Variants in ADGRB3 observed in about 807,000 individuals in gnomAD.
The protein encoded by ADGRB3 is adhesion G protein-coupled receptor B3.
ADGRB3 carries 37 observed loss-of-function variants against 193.4 expected under a neutral mutation model. That is an observed-to-expected ratio of 0.19 (90% CI 0.15 to 0.25). ADGRB3 has a LOEUF of 0.25. Ranked by LOEUF, ADGRB3 falls within the 10% of genes least tolerant of loss-of-function variation. The pLI, the probability that ADGRB3 is intolerant of heterozygous loss-of-function variation, is 1.00. For synonymous variants in ADGRB3, 690 were observed against 644.2 expected (o/e 1.07, Z -1.08); for missense variants, 1,637 against 1,852.9 (o/e 0.88, Z 2.14).
chr6:68,724,679 G>GT (rs1562006570), intron 3 of ADGRB3, among the ~76,000 whole-genome samples: 6 of 142,188 alleles, frequency 4.2e-5, no homozygotes, highest in Non-Finnish European at 1.5e-5. Flanking sequence ...TTTTTTTTTG[G>GT]TAAAAACTCA....
intron 20 of ADGRB3, among the ~76,000 whole-genome samples, chr6:69,303,440 A>G (rs957503616): frequency 2.0e-5 from 3 of 151,680 alleles, no homozygotes; most frequent in South Asian, 2.1e-4. Flanking sequence ...TCTCCTCCTC[A>G]GCCTACTCAA....
At chr6:69,264,133 G>A (rs1454097909) in intron 20 of ADGRB3, among the ~76,000 whole-genome samples, 1 of 151,850 alleles carries the variant, frequency 6.6e-6, no homozygotes, top group Non-Finnish European at 1.5e-5. Flanking sequence ...TAGACACTAG[G>A]AGAAAACTAT....
chr6:69,257,379 G>T (rs985958825), intron 20 of ADGRB3, among the ~76,000 whole-genome samples: 1 of 152,142 alleles, frequency 6.6e-6, no homozygotes, highest in South Asian at 2.1e-4. Context: ...CACAATTTCA[G>T]AGCCTGTTAT....
intron 3 of ADGRB3, among the ~76,000 whole-genome samples, chr6:68,641,177 A>G (rs759648019): frequency 1.3e-4 from 20 of 152,194 alleles, no homozygotes; most frequent in African/African-American, 3.6e-4. Context: ...TGTTTCTTCA[A>G]TGGTTAAATT....
chr6:68,639,480 G>A (rs781487688), intron 3 of ADGRB3, 48 bp downstream of exon 3: 11 of 1,510,774 alleles, frequency 7.3e-6, no homozygotes, highest in Middle Eastern at 2.0e-4. Flanking sequence ...ACTTTTGGGG[G>A]ATGGAGTTAA....
intron 8 of ADGRB3, among the ~76,000 whole-genome samples, chr6:68,962,834 G>T (rs1257718976): frequency 6.6e-6 from 1 of 152,000 alleles, no homozygotes; most frequent in Non-Finnish European, 1.5e-5. Flanking sequence ...TGTGTATCCT[G>T]ACATATGAAT....
chr6:68,655,663 T>C (rs1245969791), intron 3 of ADGRB3, among the ~76,000 whole-genome samples: 1 of 151,692 alleles, frequency 6.6e-6, no homozygotes, highest in East Asian at 1.9e-4. Flanking sequence ...AGTTAAGACA[T>C]GTCTATTCTC....
At chr6:68,695,337 C>T (rs543214674) in intron 3 of ADGRB3, among the ~76,000 whole-genome samples, 2 of 152,040 alleles carry the variant, frequency 1.3e-5, no homozygotes, top group South Asian at 4.2e-4. Flanking sequence ...TTGAAATTAC[C>T]ATAACTCAAA....
At chr6:68,955,417 C>A (rs1768045157) in intron 6 of ADGRB3, among the ~76,000 whole-genome samples, 1 of 152,186 alleles carries the variant, frequency 6.6e-6, no homozygotes, top group African/African-American at 2.4e-5. Context: ...TTCACTATTT[C>A]ATGTACCCCA....
intron 3 of ADGRB3, among the ~76,000 whole-genome samples, chr6:68,765,961 T>G (rs1417158646): frequency 1.3e-5 from 2 of 152,044 alleles, no homozygotes; most frequent in African/African-American, 2.4e-5. Flanking sequence ...TTTGAAATTT[T>G]TTGGTATACC....
intron 3 of ADGRB3, among the ~76,000 whole-genome samples, chr6:68,860,874 T>C (rs1176300656): frequency 8.7e-6 from 1 of 114,706 alleles, no homozygotes; most frequent in East Asian, 3.1e-4. Flanking sequence ...TTTTTAAATA[T>C]GCTTTTTTTT....
chr6:68,680,722 A>G (rs1764879130), intron 3 of ADGRB3, among the ~76,000 whole-genome samples: 5 of 152,202 alleles, frequency 3.3e-5, no homozygotes, highest in Admixed American at 3.3e-4. Flanking sequence ...GCATACATTC[A>G]GATAAGTAGG....
chr6:69,289,602 C>A (rs904456010), intron 20 of ADGRB3, among the ~76,000 whole-genome samples: 4 of 152,110 alleles, frequency 2.6e-5, no homozygotes, highest in Non-Finnish European at 5.9e-5. Flanking sequence ...ATGCCCATGG[C>A]ACCAAAGAAA....
intron 17 of ADGRB3, among the ~76,000 whole-genome samples, chr6:69,100,550 A>G (rs1328926027): frequency 6.6e-6 from 1 of 152,110 alleles, no homozygotes; most frequent in Non-Finnish European, 1.5e-5. Context: ...ACCTTCTCCC[A>G]TATTAAATGC....
intron 17 of ADGRB3, among the ~76,000 whole-genome samples, chr6:69,147,586 C>T (rs570708103): frequency 6.6e-6 from 1 of 152,136 alleles, no homozygotes; most frequent in Non-Finnish European, 1.5e-5. Context: ...TGGGAATGAA[C>T]TACATGCAGA....
intron 17 of ADGRB3, among the ~76,000 whole-genome samples, chr6:69,157,228 C>G (rs1774866867): frequency 6.6e-6 from 1 of 152,064 alleles, no homozygotes; most frequent in Non-Finnish European, 1.5e-5. Flanking sequence ...AGAGCAGTAC[C>G]AGGTAATTAC....
intron 17 of ADGRB3, among the ~76,000 whole-genome samples, chr6:69,197,797 G>C (rs563703047): frequency 3.5e-4 from 53 of 152,048 alleles, no homozygotes; most frequent in African/African-American, 8.7e-4. Flanking sequence ...CAATGTAAAG[G>C]CTGGAAGAAA....
intron 17 of ADGRB3, among the ~76,000 whole-genome samples, chr6:69,225,276 ATGCC>A (rs1227106979): frequency 3.3e-5 from 5 of 152,120 alleles, no homozygotes; most frequent in Non-Finnish European, 5.9e-5. Context: ...GGCCTCCTCC[ATGCC>A]CACCATGACC....
chr6:69,372,373 T>G (rs748713857), intron 29 of ADGRB3, 33 bp from the exon 30 acceptor site: 47 of 1,246,494 alleles, frequency 3.8e-5, no homozygotes, highest in Non-Finnish European at 5.1e-5. Context: ...CTTTATTGGT[T>G]TTTCTCCTTC....
Sources: allele counts gnomAD v4.1 joint callset (sites outside exome capture counted in the v4.1 genomes callset), GRCh38; gene constraint gnomAD v4.1.1; transcripts MANE v1.5; gene names NCBI Gene and HGNC (gene_info 2026-07-23, HGNC 2026-07-21).